ENTPD1: variants seen among roughly 807,000 people sequenced by gnomAD.
ENTPD1 encodes the protein ATP diphosphohydrolase.
In ENTPD1, 33 loss-of-function variants were observed where a neutral mutation model predicts 57.0. The observed-to-expected ratio is 0.58, with a 90% confidence interval of 0.44 to 0.77. ENTPD1 has a LOEUF of 0.77. Among genes scored for constraint, ENTPD1 ranks in the 30% least tolerant of loss-of-function variants. The pLI is 0.00. For missense variants in ENTPD1, 501 were observed against 603.4 expected (o/e 0.83, Z 1.78); for synonymous variants, 202 against 218.8 (o/e 0.92, Z 0.68).
chr10:95,864,726 A>G lies in ENTPD1; in HGVS notation c.1191A>G (p.Ile397Met). ...KKFCAQPWEEIKTSYAGVKEK... is the reference protein window; with the variant it reads ...KKFCAQPWEEMKTSYAGVKEK... ...TCTCCCCCTCACTTCACTTCTAGAT[A>G]AAAACATCTTACGCTGGAGTAAAGG... is the stretch of plus-strand genomic sequence containing the variant. The change falls in exon 9 of 10, where the codon ATA (isoleucine) becomes ATG (methionine). Residue 397 changes from isoleucine (I) to methionine (M), a missense_variant and splice_region_variant. By Grantham distance (10) the Ile-to-Met change is conservative. Transcript: ENST00000371205. The G allele has an allele frequency of 6.2e-7, 1 of 1,614,160 alleles. No individual in the cohort carries two copies. The highest frequency in any genetic ancestry group is 1.1e-5 in the South Asian group (1 of 91,086).
intron 1 of ENTPD1, among the ~76,000 whole-genome samples, chr10:95,778,710 C>CT (rs2098143918): frequency 6.6e-6 from 1 of 151,994 alleles, no homozygotes; most frequent in Non-Finnish European, 1.5e-5. Flanking sequence ...AAATTGTACA[C>CT]TTTTTTGGTA....
upstream of ENTPD1, among the ~76,000 whole-genome samples, chr10:95,752,880 C>G (rs973532241): frequency 6.6e-6 from 1 of 152,100 alleles, no homozygotes; most frequent in Non-Finnish European, 1.5e-5. Context: ...AGTACATTCA[C>G]ATTGTTGTGC....
At chr10:95,807,132 T>C (rs2901872) in intron 1 of ENTPD1, among the ~76,000 whole-genome samples, 82,025 of 152,016 alleles carry the variant, frequency 0.54, 22,556 homozygotes, top group Admixed American at 0.63. Context: ...AGTGTAGAGG[T>C]AGTAGGGCTT....
intron 8 of ENTPD1, among the ~76,000 whole-genome samples, chr10:95,862,336 TAGA>T (rs2140986520): frequency 6.6e-6 from 1 of 152,340 alleles, no homozygotes; most frequent in South Asian, 2.1e-4. Flanking sequence ...AGTACATTGT[TAGA>T]AGGTGACTCT....
At chr10:95,864,220 G>T (rs116257016) in intron 8 of ENTPD1, among the ~76,000 whole-genome samples, 1 of 152,162 alleles carries the variant, frequency 6.6e-6, no homozygotes, top group African/African-American at 2.4e-5. Context: ...TACTGTGCAC[G>T]TGAATCACCT....
At chr10:95,827,530 G>C (rs2098381995) in intron 2 of ENTPD1, among the ~76,000 whole-genome samples, 1 of 152,194 alleles carries the variant, frequency 6.6e-6, no homozygotes, top group South Asian at 2.1e-4. Flanking sequence ...CTGTAGCACA[G>C]GCTGGAGTGC....
chr10:95,821,908 G>A, intron 1 of ENTPD1, among the ~76,000 whole-genome samples: 1 of 151,028 alleles, frequency 6.6e-6, no homozygotes, highest in Admixed American at 6.6e-5. Context: ...AGGTTGAGTT[G>A]TCAAAATGGA....
chr10:95,838,822 T>C (rs564260505), intron 2 of ENTPD1, among the ~76,000 whole-genome samples: 1 of 152,194 alleles, frequency 6.6e-6, no homozygotes, highest in South Asian at 2.1e-4. Flanking sequence ...TTGAAAATTA[T>C]TGCCCAGCCC....
intron 1 of ENTPD1, among the ~76,000 whole-genome samples, chr10:95,768,792 C>T (rs2098102118): frequency 6.6e-6 from 1 of 152,152 alleles, no homozygotes; most frequent in Admixed American, 6.5e-5. Flanking sequence ...GCTTTTCCTT[C>T]ATTGTTCTTT....
At chr10:95,864,610 A>G in intron 8 of ENTPD1, 114 bp from the exon 9 acceptor site, 5 of 1,415,294 alleles carry the variant, frequency 3.5e-6, no homozygotes, top group Non-Finnish European at 3.0e-6. Flanking sequence ...GCCAACCTTC[A>G]GGTGCACTGG....
At chr10:95,737,856 C>T (rs1407964945) in intron 1 of ENTPD1, among the ~76,000 whole-genome samples, 1 of 152,134 alleles carries the variant, frequency 6.6e-6, no homozygotes, top group African/African-American at 2.4e-5. Context: ...CCTCTCAAAC[C>T]CTTATGATGG....
intron 1 of ENTPD1, among the ~76,000 whole-genome samples, chr10:95,736,244 C>T (rs2097994598): frequency 6.6e-6 from 1 of 152,102 alleles, no homozygotes; most frequent in Admixed American, 6.5e-5. Flanking sequence ...TCAAGTGATC[C>T]ACCTGCCTCG....
At chr10:95,793,834 G>A (rs145021690) in intron 1 of ENTPD1, among the ~76,000 whole-genome samples, 1 of 152,070 alleles carries the variant, frequency 6.6e-6, no homozygotes, top group African/African-American at 2.4e-5. Flanking sequence ...ACTGAGCCAC[G>A]GTGGGTGGTG....
intron 7 of ENTPD1, among the ~76,000 whole-genome samples, chr10:95,856,384 C>T (rs1204648050): frequency 6.6e-6 from 1 of 152,086 alleles, no homozygotes; most frequent in Non-Finnish European, 1.5e-5. Flanking sequence ...AACACTTTTG[C>T]ACTGCTGGTG....
In ENTPD1 at chr10:95,876,303, T is replaced by C; in HGVS notation, c.*9920T>C. Reference sequence around the variant, plus strand: ...CAACTTATTAATTATGAAATGACTTTTGGCCTAGTAACAATGAAAATGGGG... The same window carrying C: ...CAACTTATTAATTATGAAATGACTTCTGGCCTAGTAACAATGAAAATGGGG... On this transcript the variant is annotated 3_prime_UTR_variant, in exon 10 of 10. Transcript: ENST00000371205. 1.0e-6 allele frequency: 1 copy of C among 984,070 alleles called. No homozygotes were observed. Among genetic ancestry groups the C allele is most frequent in the Non-Finnish European group, 1.2e-6 (1 of 828,676 alleles). The allele number at this position is 984,070 out of a possible 1,614,324, so 61.0% of individuals were successfully genotyped here. A position where few individuals can be genotyped will look rare whatever the true frequency, so the allele number is the denominator to read the frequency against.
chr10:95,696,217 A>G, the ENTPD1 span, among the ~76,000 whole-genome samples: 1 of 152,074 alleles, frequency 6.6e-6, no homozygotes, highest in South Asian at 2.1e-4. Flanking sequence ...CTTTTGTTAT[A>G]GTTAAGCAAA....
At chr10:95,816,746 A>G (rs1263977783) in intron 1 of ENTPD1, among the ~76,000 whole-genome samples, 2 of 152,226 alleles carry the variant, frequency 1.3e-5, no homozygotes, top group African/African-American at 4.8e-5. Context: ...CTCCAGATTT[A>G]TGAAAGAATA....
chr10:95,847,479 T>C lies in ENTPD1; in HGVS notation c.847T>C (p.Phe283Leu), dbSNP rs1164603636. ...TAATGAAATTCTCAGGGACCCATGCTTTCATCCTGGATATAAGAAGGTAGT... is the reference window on the plus strand; with the variant it reads ...TAATGAAATTCTCAGGGACCCATGCCTTCATCCTGGATATAAGAAGGTAGT... Reference protein sequence around the residue: ...ASNEILRDPCFHPGYKKVVNV... With the variant: ...ASNEILRDPCLHPGYKKVVNV... The change falls in exon 7 of 10, where the codon TTT becomes CTT. Residue 283 changes from phenylalanine to leucine, a missense_variant. Transcript: ENST00000371205. 1.9e-6 allele frequency: 3 copies of C among 1,614,046 alleles called. No homozygotes were observed. The highest frequency in any genetic ancestry group is 2.7e-5 in the African/African-American group (2 of 74,914).
At chr10:95,813,267 C>G (rs915264624) in intron 1 of ENTPD1, among the ~76,000 whole-genome samples, 5 of 152,104 alleles carry the variant, frequency 3.3e-5, no homozygotes, top group Non-Finnish European at 7.4e-5. Context: ...TATACATATT[C>G]AATAAGCTAT....
Sources: allele counts gnomAD v4.1 joint callset (sites outside exome capture counted in the v4.1 genomes callset), GRCh38; gene constraint gnomAD v4.1.1; transcripts MANE v1.5; gene names NCBI Gene and HGNC (gene_info 2026-07-23, HGNC 2026-07-21).